GMDS: variants seen among roughly 807,000 people sequenced by gnomAD.
GMDS encodes GDP-mannose 4,6 dehydratase.
Under a neutral mutation model 49.9 loss-of-function variants are expected in GMDS, and 20 were observed. The observed-to-expected ratio is 0.40, with a 90% CI of 0.28 to 0.58. The LOEUF (loss-of-function observed/expected upper bound fraction) is 0.58, where lower values mean the gene tolerates loss of function less well. GMDS is among the 20% of genes least tolerant of loss of function. The pLI is 0.42. For synonymous variants in GMDS, 177 were observed against 178.6 expected, an observed-to-expected ratio of 0.99 and a Z score of 0.07; for missense variants, 362 against 481.4, an observed-to-expected ratio of 0.75 and a Z score of 2.32.
intron 7 of GMDS, among the ~76,000 whole-genome samples, chr6:1,781,506 G>A (rs577898321): frequency 8.0e-4 from 122 of 152,270 alleles, no homozygotes; most frequent in African/African-American, 2.8e-3. Context: ...GCTCCCACTG[G>A]GCCTGATGAG....
chr6:2,115,128 G>A (rs1172311655), intron 4 of GMDS, among the ~76,000 whole-genome samples: 1 of 152,104 alleles, frequency 6.6e-6, no homozygotes, highest in Non-Finnish European at 1.5e-5. Context: ...TTATTCATGT[G>A]AGCAGGAGGA....
At chr6:1,972,790 C>CTTA (rs1764695045) in intron 4 of GMDS, among the ~76,000 whole-genome samples, 1 of 152,220 alleles carries the variant, frequency 6.6e-6, no homozygotes, top group Non-Finnish European at 1.5e-5. Context: ...CCCATCACTG[C>CTTA]TTAAGTTCCA....
Position 1,726,427 on chromosome 6 carries a change from G to GC in GMDS, c.975dup (p.Pro326AlafsTer3), listed in dbSNP as rs781572314. On this transcript the variant is annotated frameshift_variant, in exon 9 of 11. Transcript: ENST00000380815. LOFTEE classifies it high-confidence loss of function. The stretch of plus-strand genomic sequence containing the variant: ...CAGAGAGTCCTTACCACTTCAGTTG[G>GC]CCGGTAGTACTTGAGATCCACAGTC... 6.2e-7 allele frequency: 1 copy of GC among 1,611,546 alleles called. No individual in the cohort carries two copies. Among genetic ancestry groups the GC allele is most frequent in the South Asian group, 1.1e-5 (1 of 91,040 alleles).
At chr6:1,977,993 A>G (rs1765004694) in intron 4 of GMDS, among the ~76,000 whole-genome samples, 1 of 152,292 alleles carries the variant, frequency 6.6e-6, no homozygotes, top group East Asian at 1.9e-4. Context: ...TGCGGGCCCC[A>G]CTTCCACTGC....
intron 7 of GMDS, among the ~76,000 whole-genome samples, chr6:1,818,770 A>T (rs1048033051): frequency 2.0e-5 from 3 of 152,068 alleles, no homozygotes; most frequent in Non-Finnish European, 2.9e-5. Flanking sequence ...TAGACCCTGG[A>T]TCATCAAAAA....
intron 7 of GMDS, among the ~76,000 whole-genome samples, chr6:1,906,773 C>T (rs1402108234): frequency 6.6e-6 from 1 of 152,216 alleles, no homozygotes; most frequent in Non-Finnish European, 1.5e-5. Flanking sequence ...GCTCTCCCAT[C>T]TGGGAGCTAT....
intron 1 of GMDS, among the ~76,000 whole-genome samples, chr6:2,181,728 G>T (rs1235107934): frequency 6.6e-6 from 1 of 152,144 alleles, no homozygotes; most frequent in Non-Finnish European, 1.5e-5. Context: ...AATGTAATCG[G>T]AAAATGTCAT....
intron 4 of GMDS, among the ~76,000 whole-genome samples, chr6:1,992,661 A>ACG (rs76364722): frequency 8.4e-6 from 1 of 118,926 alleles, no homozygotes; most frequent in African/African-American, 3.6e-5. Context: ...AGCACTCCCA[A>ACG]TCCTTGGCCT....
chr6:2,166,723 T>C lies in GMDS; in HGVS notation c.103-41992A>G, dbSNP rs73716972. ...CTATCTTACTCCAAAAGCATGCTCC[T>C]TCTGCTGTGATAAATCACTCATCAG... On this transcript the variant is annotated intron_variant, in intron 1 of 10. Transcript: ENST00000380815. Among the ~76,000 whole-genome samples the C allele has an allele frequency of 4.4e-3, 674 of 152,342 alleles. 10 individuals are homozygous for C. Among genetic ancestry groups the C allele is most frequent in the African/African-American group, 0.016 (652 of 41,578 alleles).
chr6:1,912,193 C>CTT (rs1160155772), intron 7 of GMDS, among the ~76,000 whole-genome samples: 6 of 152,068 alleles, frequency 3.9e-5, no homozygotes, highest in African/African-American at 1.4e-4. Flanking sequence ...CAGTGAAACT[C>CTT]TGTCTCTACT....
chr6:2,198,673 T>C (rs771978342), intron 1 of GMDS, among the ~76,000 whole-genome samples: 1 of 151,880 alleles, frequency 6.6e-6, no homozygotes, highest in Non-Finnish European at 1.5e-5. Flanking sequence ...AATCAGAAAA[T>C]TATGTTTGCC....
chr6:1,902,335 G>A (rs1335535629), intron 7 of GMDS, among the ~76,000 whole-genome samples: 3 of 152,208 alleles, frequency 2.0e-5, no homozygotes, highest in Non-Finnish European at 2.9e-5. Context: ...AATAAAGCAT[G>A]ACACAGAAAC....
At chr6:1,675,807 C>G (rs989036002) in intron 9 of GMDS, among the ~76,000 whole-genome samples, 1 of 150,220 alleles carries the variant, frequency 6.7e-6, no homozygotes, top group African/African-American at 2.5e-5. Flanking sequence ...GAGCCGAGAT[C>G]ACGCCACTGC....
At chr6:2,164,124 G>C (rs907614302) in intron 1 of GMDS, among the ~76,000 whole-genome samples, 13 of 152,158 alleles carry the variant, frequency 8.5e-5, no homozygotes, top group African/African-American at 3.1e-4. Flanking sequence ...CGTACTATTA[G>C]AGCACTTTCT....
chr6:1,673,513 G>C (rs1764492062), intron 9 of GMDS, among the ~76,000 whole-genome samples: 1 of 151,816 alleles, frequency 6.6e-6, no homozygotes, highest in African/African-American at 2.4e-5. Context: ...ATATCTCAGA[G>C]TGTTATATTT....
chr6:1,851,337 C>T (rs1467594), intron 7 of GMDS, among the ~76,000 whole-genome samples: 72,092 of 152,046 alleles, frequency 0.47, 20,390 homozygotes, highest in Non-Finnish European at 0.63. Flanking sequence ...ACTGAGAAAA[C>T]GTGTATTTTA....
At chr6:1,740,997 A>T (rs943686920) in intron 8 of GMDS, among the ~76,000 whole-genome samples, 1 of 152,204 alleles carries the variant, frequency 6.6e-6, no homozygotes, top group Non-Finnish European at 1.5e-5. Context: ...ATGTTCACAA[A>T]ATAATTGGGC....
chr6:2,036,984 C>T (rs985383260), intron 4 of GMDS, among the ~76,000 whole-genome samples: 5 of 152,170 alleles, frequency 3.3e-5, no homozygotes, highest in Admixed American at 1.3e-4. Context: ...CTTTTGGAGG[C>T]GAAAGGTAAT....
chr6:1,864,656 G>A (rs1758355377), intron 7 of GMDS, among the ~76,000 whole-genome samples: 1 of 152,192 alleles, frequency 6.6e-6, no homozygotes, highest in Non-Finnish European at 1.5e-5. Flanking sequence ...TGGGAAAAAT[G>A]TGAACCTTGA....
Sources: allele counts gnomAD v4.1 joint callset (sites outside exome capture counted in the v4.1 genomes callset), GRCh38; gene constraint gnomAD v4.1.1; transcripts MANE v1.5; gene names NCBI Gene and HGNC (gene_info 2026-07-23, HGNC 2026-07-21).